CSMD1: variants seen among roughly 807,000 people sequenced by gnomAD.
The protein encoded by CSMD1 is CUB and sushi domain-containing protein 1.
Under a neutral mutation model 417.5 loss-of-function variants are expected in CSMD1, and 213 were observed. That is an observed-to-expected ratio of 0.51 (90% CI 0.46 to 0.57). The LOEUF is 0.57. Among genes scored for constraint, CSMD1 ranks in the 20% least tolerant of loss-of-function variants. The pLI is 0.00. For missense variants in CSMD1, 6,923 were observed against 4,529.7 expected (o/e 1.53, Z -15.17); for synonymous variants, 2,862 against 1,736.8 (o/e 1.65, Z -16.11).
chr8:2,955,276 T>C (rs1004616061), intron 64 of CSMD1, among the ~76,000 whole-genome samples: 2 of 152,270 alleles, frequency 1.3e-5, no homozygotes, highest in Non-Finnish European at 2.9e-5. Flanking sequence ...ATTATTTTCC[T>C]TTTAACTCAG....
intron 52 of CSMD1, among the ~76,000 whole-genome samples, chr8:3,007,374 G>A (rs1348267615): frequency 6.6e-6 from 1 of 151,694 alleles, no homozygotes; most frequent in East Asian, 1.9e-4. Context: ...GATTCCTCAG[G>A]GATCTAGAAG....
intron 5 of CSMD1, among the ~76,000 whole-genome samples, chr8:3,773,842 C>G (rs79312890): frequency 6.6e-6 from 1 of 152,086 alleles, no homozygotes. Context: ...CACTTTCCCC[C>G]ACATTGTATT....
chr8:3,568,649 C>T (rs1188295092), intron 10 of CSMD1, among the ~76,000 whole-genome samples: 1 of 152,016 alleles, frequency 6.6e-6, no homozygotes, highest in Non-Finnish European at 1.5e-5. Context: ...AAACTTTTAA[C>T]TTAGAACACA....
chr8:3,703,003 T>G (rs1032663330), intron 7 of CSMD1, among the ~76,000 whole-genome samples: 1 of 152,226 alleles, frequency 6.6e-6, no homozygotes, highest in African/African-American at 2.4e-5. Context: ...CCATTTACAT[T>G]GCACTTTTTC....
At chr8:4,082,056 A>C (rs966786772) in intron 3 of CSMD1, among the ~76,000 whole-genome samples, 2 of 152,172 alleles carry the variant, frequency 1.3e-5, no homozygotes, top group Admixed American at 6.5e-5. Context: ...AAGGCATTTT[A>C]GGGGAAAGAT....
intron 13 of CSMD1, among the ~76,000 whole-genome samples, chr8:3,408,476 G>T (rs1585119110): frequency 6.6e-6 from 1 of 151,024 alleles, no homozygotes; most frequent in African/African-American, 2.5e-5. Context: ...GTTCAAAAAT[G>T]ATCCTTTCCA....
intron 24 of CSMD1, 91 bp from the exon 25 acceptor site, chr8:3,307,912 G>C (rs951354046): frequency 2.9e-6 from 4 of 1,363,700 alleles, no homozygotes; most frequent in African/African-American, 2.9e-5. Context: ...CATTATGTCT[G>C]CATTATATAC....
rs562424100 is a variant in CSMD1 at position 4,511,741 on chromosome 8, A to G, written c.303-91676T>C. Among the ~76,000 whole-genome samples, 188 of 152,304 alleles carry G rather than the reference A, an allele frequency of 1.2e-3. 1 individual carries two copies. The highest frequency in any genetic ancestry group is 4.5e-3 in the African/African-American group (186 of 41,574). ...GGCTCAGTGTTCCCCAAGAGAACTC[A>G]GTCATTAGGGGGCCCATTCATGACA... On this transcript the variant is annotated intron_variant, in intron 2 of 69. Coordinates refer to ENST00000635120, the MANE Select transcript of CSMD1 (RefSeq NM_033225.6).
At chr8:4,170,187 T>C (rs998049601) in intron 3 of CSMD1, among the ~76,000 whole-genome samples, 4 of 151,834 alleles carry the variant, frequency 2.6e-5, no homozygotes, top group African/African-American at 9.7e-5. Context: ...CCTTTCACAG[T>C]CCACGCGTTT....
intron 3 of CSMD1, among the ~76,000 whole-genome samples, chr8:4,326,121 G>T (rs1308997908): frequency 1.3e-5 from 2 of 152,124 alleles, no homozygotes; most frequent in Non-Finnish European, 2.9e-5. Flanking sequence ...GGGCCCTACC[G>T]TCAGCGTTTC....
At chr8:4,366,490 C>A (rs562232872) in intron 3 of CSMD1, among the ~76,000 whole-genome samples, 1 of 152,098 alleles carries the variant, frequency 6.6e-6, no homozygotes, top group African/African-American at 2.4e-5. Context: ...TTAAGTTCTT[C>A]GATAAAACTC....
At chr8:3,746,174 C>G (rs1035103962) in intron 6 of CSMD1, among the ~76,000 whole-genome samples, 2 of 152,162 alleles carry the variant, frequency 1.3e-5, no homozygotes, top group South Asian at 4.1e-4. Flanking sequence ...AGGGCTGATA[C>G]GCTGAAAAGA....
chr8:4,072,936 T>C (rs1274117235), intron 3 of CSMD1, among the ~76,000 whole-genome samples: 1 of 152,184 alleles, frequency 6.6e-6, no homozygotes, highest in Non-Finnish European at 1.5e-5. Context: ...CTTAGAACAT[T>C]CTTTCAAAAG....
rs553653759 is a variant in CSMD1, at chr8:4,207,640, G to T, written c.416-175541C>A. ...GCAACATTTTCATTATGAAGAGGGG[G>T]TTGTTTATGTATTCCTACATAAATT... is the stretch of plus-strand genomic sequence containing the variant. On this transcript the variant is annotated intron_variant, in intron 3 of 69. Coordinates refer to ENST00000635120, the MANE Select transcript of CSMD1 (RefSeq NM_033225.6). Among the ~76,000 whole-genome samples the T allele has an allele frequency of 1.5e-4, 23 of 152,136 alleles. No homozygotes were observed. In the South Asian group the frequency reaches 2.7e-3, roughly 18 times the overall value.
intron 3 of CSMD1, among the ~76,000 whole-genome samples, chr8:4,230,218 T>A (rs1801631709): frequency 6.6e-6 from 1 of 152,190 alleles, no homozygotes; most frequent in South Asian, 2.1e-4. Flanking sequence ...CCCTCTAATC[T>A]TAATAAATGT....
intron 26 of CSMD1, among the ~76,000 whole-genome samples, chr8:3,259,671 C>A (rs927500204): frequency 1.3e-5 from 2 of 151,992 alleles, no homozygotes; most frequent in South Asian, 4.2e-4. Context: ...AGTTTCTACC[C>A]CATCCTGAAA....
intron 3 of CSMD1, among the ~76,000 whole-genome samples, chr8:4,225,892 T>C (rs753124714): frequency 9.9e-5 from 15 of 152,192 alleles, no homozygotes; most frequent in East Asian, 9.6e-4. Context: ...TCTATTAAGA[T>C]TGTAATTAAT....
intron 10 of CSMD1, among the ~76,000 whole-genome samples, chr8:3,502,546 G>C (rs182295385): frequency 6.6e-6 from 1 of 152,242 alleles, no homozygotes; most frequent in Non-Finnish European, 1.5e-5. Context: ...GAAATGAGCT[G>C]TCAAGCCATG....
chr8:3,686,529 C>G (rs1799953457), intron 7 of CSMD1, among the ~76,000 whole-genome samples: 2 of 152,154 alleles, frequency 1.3e-5, no homozygotes, highest in Admixed American at 1.3e-4. Context: ...TCATTCTGTT[C>G]ATTGAAAGCA....
Sources: allele counts gnomAD v4.1 joint callset (sites outside exome capture counted in the v4.1 genomes callset), GRCh38; gene constraint gnomAD v4.1.1; transcripts MANE v1.5; gene names NCBI Gene and HGNC (gene_info 2026-07-23, HGNC 2026-07-21).